The following ATP2A2 variants were observed in gnomAD, a reference collection of about 807,000 sequenced individuals.
ATP2A2 encodes sarcoplasmic/endoplasmic reticulum calcium ATPase 2.
ATP2A2 carries 14 observed loss-of-function variants against 109.3 expected under a neutral mutation model. That is an observed-to-expected ratio of 0.13 (90% CI 0.08 to 0.20). The LOEUF is 0.20. Ranked by LOEUF, ATP2A2 falls within the 10% of genes least tolerant of loss-of-function variation. The pLI is 1.00. For missense variants in ATP2A2, 657 were observed against 1,321.6 expected (o/e 0.50, Z 7.80); for synonymous variants, 506 against 490.9 (o/e 1.03, Z -0.41).
chr12:110,282,857 C>G, intron 3 of ATP2A2, 62 bp downstream of exon 3: 17 of 1,385,084 alleles, frequency 1.2e-5, no homozygotes, highest in Non-Finnish European at 1.6e-5. Flanking sequence ...ATAGATAAAT[C>G]AGAAAACAAA....
At chr12:110,293,088 T>C (rs1592797462) in intron 4 of ATP2A2, among the ~76,000 whole-genome samples, 1 of 152,252 alleles carries the variant, frequency 6.6e-6, no homozygotes. Flanking sequence ...ACCTTTTTTT[T>C]GTTTTTGTTT....
At position 110,282,947 on chromosome 12, in the gene ATP2A2, T is replaced by C. The variant is rs1207709858; in HGVS notation, c.219+152T>C. 3 of 756,892 alleles carry C rather than the reference T, an allele frequency of 4.0e-6. No homozygotes were observed. The African/African-American group carries it at 5.3e-5, about 13-fold the overall frequency. The allele number at this position is 756,892 out of a possible 1,614,324, so 46.9% of individuals were successfully genotyped here. Reference sequence around the variant, plus strand: ...AAAAACAATCTGGGCATTTTAAAATTACAAAACAAAACACTTGAAGCCATT... The same window carrying C: ...AAAAACAATCTGGGCATTTTAAAATCACAAAACAAAACACTTGAAGCCATT... On this transcript the variant is annotated intron_variant, in intron 3 of 19. Coordinates refer to ENST00000539276, the MANE Select transcript of ATP2A2 (RefSeq NM_170665.4).
intron 3 of ATP2A2, among the ~76,000 whole-genome samples, chr12:110,289,106 C>G (rs906921485): frequency 1.3e-5 from 2 of 152,158 alleles, no homozygotes; most frequent in Admixed American, 1.3e-4. Context: ...TTGTCTTTCC[C>G]TTTGCTCTAG....
At position 110,349,308 on chromosome 12, in the gene ATP2A2, GT is replaced by G. The variant is rs1566246735; in HGVS notation, c.*2839del. The G allele has an allele frequency of 1.2e-4, 120 of 985,512 alleles. No homozygotes were observed. The African/African-American group carries it at 1.9e-3, about 16-fold the overall frequency. 61.0% of individuals were successfully genotyped at this position (985,512 alleles called of 1,614,324 possible). A position where few individuals can be genotyped will look rare whatever the true frequency, so the allele number is the denominator to read the frequency against. On this transcript the variant is annotated 3_prime_UTR_variant, in exon 20 of 20. Coordinates refer to ENST00000539276, the MANE Select transcript of ATP2A2 (RefSeq NM_170665.4). ...GGCAGCAGCTGCCCAGCCCCGCAAT[GT>G]GCCTGCTGTCAGGCAGCTCTTGCCT...
intron 5 of ATP2A2, among the ~76,000 whole-genome samples, chr12:110,321,247 A>T (rs1877213126): frequency 6.6e-6 from 1 of 152,192 alleles, no homozygotes; most frequent in Non-Finnish European, 1.5e-5. Flanking sequence ...AATAAAAAAT[A>T]AGAAATTCAA....
chr12:110,305,059 G>A (rs1329475574), intron 5 of ATP2A2, among the ~76,000 whole-genome samples: 3 of 151,892 alleles, frequency 2.0e-5, no homozygotes, highest in African/African-American at 4.8e-5. Flanking sequence ...TCAGTCTCCC[G>A]AGTAGCTGGG....
intron 5 of ATP2A2, among the ~76,000 whole-genome samples, chr12:110,308,954 T>C (rs1223165654): frequency 6.6e-6 from 1 of 152,074 alleles, no homozygotes; most frequent in African/African-American, 2.4e-5. Flanking sequence ...GATTTTGATA[T>C]TTGCAGAAAG....
At chr12:110,326,330 G>T in intron 6 of ATP2A2, 60 bp from the exon 7 acceptor site, 1 of 1,474,956 alleles carries the variant, frequency 6.8e-7, no homozygotes. Context: ...TGAATGAGAG[G>T]TTCTAGGTTC....
At chr12:110,282,466 T>C in intron 1 of ATP2A2, 138 bp from the exon 2 acceptor site, 1 of 1,181,498 alleles carries the variant, frequency 8.5e-7, no homozygotes. Context: ...TTCTTATAGC[T>C]AGGTCTGTGT....
rs151306315 is a variant in ATP2A2 at position 110,343,530 on chromosome 12, A to G, written c.2521+96A>G. The G allele has an allele frequency of 6.0e-4, 829 of 1,386,024 alleles. 6 individuals are homozygous for G. In the African/African-American group the frequency reaches 0.011, roughly 18 times the overall value. 85.9% of individuals were successfully genotyped at this position (1,386,024 alleles called of 1,614,324 possible). A position where few individuals can be genotyped will look rare whatever the true frequency, so the allele number is the denominator to read the frequency against. On this transcript the variant is annotated intron_variant, in intron 16 of 19. Coordinates refer to ENST00000539276, the MANE Select transcript of ATP2A2 (RefSeq NM_170665.4). ...CCCTTAAAAGCGTGTTTTTTCTTCT[A>G]TCCCCGTATAGGGTAGCAAAAGACA... is the stretch of plus-strand genomic sequence containing the variant.
chr12:110,339,868 C>A lies in ATP2A2; in HGVS notation c.1761+147C>A, dbSNP rs760600263. On this transcript the variant is annotated intron_variant, in intron 13 of 19. Coordinates refer to ENST00000539276, the MANE Select transcript of ATP2A2 (RefSeq NM_170665.4). The surrounding 1 kb of genome is among the most constrained non-coding windows in gnomAD (Gnocchi z 4.4). ...TTTTTCTGCCTGCCAGCTGTGTCACCCTTAAAATTTGCTGCTTCAAACATA... is the reference window on the plus strand; with the variant it reads ...TTTTTCTGCCTGCCAGCTGTGTCACACTTAAAATTTGCTGCTTCAAACATA... The A allele has an allele frequency of 7.1e-6, 6 of 839,168 alleles. No homozygotes were observed. Among genetic ancestry groups the A allele is most frequent in the Non-Finnish European group, 9.5e-6 (5 of 525,152 alleles). The allele number at this position is 839,168 out of a possible 1,614,324, so 52.0% of individuals were successfully genotyped here.
chr12:110,337,600 CA>C (rs371533998), intron 11 of ATP2A2, among the ~76,000 whole-genome samples: 186 of 152,368 alleles, frequency 1.2e-3, no homozygotes, highest in African/African-American at 4.4e-3. Flanking sequence ...GTCAGTTCAT[CA>C]GCCTTCAGTC....
chr12:110,328,048 C>T (rs1191178755), intron 8 of ATP2A2, 31 bp downstream of exon 8: 11 of 1,596,076 alleles, frequency 6.9e-6, no homozygotes, highest in African/African-American at 2.7e-5. Context: ...TATTCCGTGT[C>T]GTGGTTCTTT....
chr12:110,346,256 T>A lies in ATP2A2; in HGVS notation c.2915T>A (p.Ile972Asn). The A allele has an allele frequency of 6.2e-7, 1 of 1,614,014 alleles. No homozygotes were observed. ...NVTQWLMVLK[I>N]SLPVILMDET... ...ACCCAGTGGCTGATGGTGCTGAAAA[T>A]CTCCTTGCCCGTGATTCTCATGGAT... is the stretch of plus-strand genomic sequence containing the variant. Residue 972 changes from isoleucine to asparagine, a missense_variant, in exon 20 of 20, where the codon ATC becomes AAC. By Grantham distance (149) the Ile-to-Asn change is moderately radical. Transcript: ENST00000539276.
In ATP2A2 at chr12:110,348,824, T is replaced by G; in HGVS notation, c.*2354T>G. Reference sequence around the variant, plus strand: ...GGGCAGGGGGTAAATTTTGCCAGTTTGAGCATCATGAGGTGTAACAAGAAA... The same window carrying G: ...GGGCAGGGGGTAAATTTTGCCAGTTGGAGCATCATGAGGTGTAACAAGAAA... On this transcript the variant is annotated 3_prime_UTR_variant, in exon 20 of 20. Transcript: ENST00000539276. 11 of 985,502 alleles carry G rather than the reference T, an allele frequency of 1.1e-5. No individual in the cohort carries two copies. The highest frequency in any genetic ancestry group is 1.3e-5 in the Non-Finnish European group (11 of 830,004). 61.0% of individuals were successfully genotyped at this position (985,502 alleles called of 1,614,324 possible). A position where few individuals can be genotyped will look rare whatever the true frequency, so the allele number is the denominator to read the frequency against.
intron 5 of ATP2A2, among the ~76,000 whole-genome samples, chr12:110,317,645 T>C (rs1368645397): frequency 6.6e-6 from 1 of 152,246 alleles, no homozygotes; most frequent in Non-Finnish European, 1.5e-5. Flanking sequence ...CCCAAAGTGC[T>C]GGGATTACAG....
Position 110,282,725 on chromosome 12 carries a change from T to C in ATP2A2, c.149T>C (p.Leu50Pro). 6.2e-7 allele frequency: 1 copy of C among 1,614,172 alleles called. No homozygotes were observed. The highest frequency in any genetic ancestry group is 8.5e-7 in the Non-Finnish European group (1 of 1,180,010). ...ELPAEEGKTL[L>P]ELVIEQFEDL... ...TTGTTTCTTACAGGAAAAACCTTGCTGGAACTTGTGATTGAGCAGTTTGAA... is the reference window on the plus strand; with the variant it reads ...TTGTTTCTTACAGGAAAAACCTTGCCGGAACTTGTGATTGAGCAGTTTGAA... Residue 50 changes from leucine (L) to proline (P), a missense_variant, in exon 3 of 20, where the codon CTG becomes CCG. Leu to Pro is a moderately conservative substitution (Grantham distance 98). Coordinates refer to ENST00000539276, the MANE Select transcript of ATP2A2 (RefSeq NM_170665.4).
chr12:110,328,469 TGA>T (rs978965737), intron 8 of ATP2A2, among the ~76,000 whole-genome samples: 8 of 152,072 alleles, frequency 5.3e-5, no homozygotes, highest in Non-Finnish European at 1.0e-4. Context: ...CTCGAGAGGC[TGA>T]GACAGGAGAA....
chr12:110,337,044 C>T (rs375701403), intron 11 of ATP2A2, among the ~76,000 whole-genome samples: 42 of 152,332 alleles, frequency 2.8e-4, no homozygotes, highest in African/African-American at 9.4e-4. Flanking sequence ...GGGGCTGAAC[C>T]AGCACTGGCT....
Sources: allele counts gnomAD v4.1 joint callset (sites outside exome capture counted in the v4.1 genomes callset), GRCh38; gene constraint gnomAD v4.1.1; non-coding constraint Gnocchi (gnomAD v3.1); transcripts MANE v1.5; gene names NCBI Gene and HGNC (gene_info 2026-07-23, HGNC 2026-07-21).